The following PDE12 variants were observed in gnomAD, a reference collection of about 807,000 sequenced individuals.
PDE12 encodes phosphodiesterase 12, also known as 2',5'-phosphodiesterase 12.
Under a neutral mutation model 45.4 loss-of-function variants are expected in PDE12, and 26 were observed. The ratio of observed to expected loss-of-function variants is 0.57; its 90% confidence interval spans 0.42 to 0.79. PDE12 has a LOEUF of 0.79. Among genes scored for constraint, PDE12 ranks in the 30% least tolerant of loss-of-function variants. The pLI, the probability that PDE12 is intolerant of heterozygous loss-of-function variation, is 0.00. For missense variants in PDE12, 668 were observed against 790.0 expected, an observed-to-expected ratio of 0.85 and a Z score of 1.85; for synonymous variants, 283 against 323.9, an observed-to-expected ratio of 0.87 and a Z score of 1.36.
At chr3:57,569,566 G>A (rs1330095305), downstream of PDE12, among the ~76,000 whole-genome samples, 1 of 152,050 alleles carries the variant, frequency 6.6e-6, no homozygotes, top group East Asian at 1.9e-4. Flanking sequence ...TTGTTAGTCA[G>A]TCTGGTCTTG....
chr3:57,556,329 G>A lies in PDE12; in HGVS notation c.-51G>A. On this transcript the variant is annotated 5_prime_UTR_variant, in exon 1 of 3. Transcript: ENST00000311180. The surrounding 1 kb of genome is among the most constrained non-coding windows in gnomAD (Gnocchi z 5.0). ...CTCGGCTCCTCAGCTCCACCTGACA[G>A]TAGGCCGCTGATCGGCCGCGGGTCT... The A allele has an allele frequency of 6.7e-7, 1 of 1,499,072 alleles. No homozygotes were observed. Among genetic ancestry groups the A allele is most frequent in the Non-Finnish European group, 8.9e-7 (1 of 1,121,846 alleles). The allele number at this position is 1,499,072 out of a possible 1,614,324, so 92.9% of individuals were successfully genotyped here.
the PDE12 span, among the ~76,000 whole-genome samples, chr3:57,593,521 C>G: frequency 6.6e-6 from 1 of 152,170 alleles, no homozygotes. Flanking sequence ...CAATACAGAA[C>G]TACACTGGCA....
chr3:57,623,354 C>A, the PDE12 span, among the ~76,000 whole-genome samples: 2 of 152,220 alleles, frequency 1.3e-5, no homozygotes, highest in Non-Finnish European at 2.9e-5. Flanking sequence ...TGAATGCAAT[C>A]ATTTCAAGTT....
chr3:57,577,394 A>G, the PDE12 span: 22 of 1,057,382 alleles, frequency 2.1e-5, no homozygotes, highest in Non-Finnish European at 2.8e-5. Context: ...GACCCTGGGG[A>G]AAAATTGTTT....
In PDE12 at chr3:57,557,745, C is replaced by T. The variant is rs375684625; in HGVS notation, c.1308+58C>T. On this transcript the variant is annotated intron_variant, in intron 1 of 2. Transcript: ENST00000311180. ...GTCCCACTTTTAGGGGCCAGGAAGG[C>T]GAGGAATGAGGTGGGGGTTAAAAGT... 48 of 1,482,458 alleles carry T rather than the reference C, an allele frequency of 3.2e-5. 2 individuals are homozygous for T. In the East Asian group the frequency reaches 4.8e-4, roughly 15 times the overall value. The allele number at this position is 1,482,458 out of a possible 1,614,324, so 91.8% of individuals were successfully genotyped here. A position where few individuals can be genotyped will look rare whatever the true frequency, so the allele number is the denominator to read the frequency against.
chr3:57,576,334 A>G, the PDE12 span, among the ~76,000 whole-genome samples: 1 of 152,252 alleles, frequency 6.6e-6, no homozygotes, highest in Non-Finnish European at 1.5e-5. Flanking sequence ...GGTGTACGAG[A>G]GGAAGGAAAT....
At chr3:57,642,495 A>G in the PDE12 span, among the ~76,000 whole-genome samples, 7 of 152,126 alleles carry the variant, frequency 4.6e-5, no homozygotes, top group African/African-American at 1.7e-4. Flanking sequence ...GTGCAAAGCA[A>G]TGAAGTGACA....
At chr3:57,601,893 C>T in the PDE12 span, among the ~76,000 whole-genome samples, 6 of 151,276 alleles carry the variant, frequency 4.0e-5, no homozygotes, top group Admixed American at 6.6e-5. Flanking sequence ...TACAGGTGCA[C>T]ACCACCACAC....
At chr3:57,605,565 A>G in the PDE12 span, among the ~76,000 whole-genome samples, 1 of 152,304 alleles carries the variant, frequency 6.6e-6, no homozygotes, top group Middle Eastern at 3.4e-3. Flanking sequence ...ATTATAAAAA[A>G]CCTGAAAAGA....
At position 57,562,012 on chromosome 3, in the gene PDE12, T is replaced by C. The variant is rs2069733505; in HGVS notation, c.*2008T>C. On this transcript the variant is annotated 3_prime_UTR_variant, in exon 3 of 3. Coordinates refer to ENST00000311180, the MANE Select transcript of PDE12 (RefSeq NM_177966.7). Reference sequence around the variant, plus strand: ...GCATTTTAACAGCAGTTTACAAATATGTAAATAATAGATTAAAACCAAATC... The same window carrying C: ...GCATTTTAACAGCAGTTTACAAATACGTAAATAATAGATTAAAACCAAATC... 3.1e-6 allele frequency: 3 copies of C among 982,552 alleles called. No homozygotes were observed. The highest frequency in any genetic ancestry group is 4.7e-5 in the South Asian group (1 of 21,242). The allele number at this position is 982,552 out of a possible 1,614,324, so 60.9% of individuals were successfully genotyped here.
chr3:57,638,479 G>A, the PDE12 span, among the ~76,000 whole-genome samples: 1 of 151,184 alleles, frequency 6.6e-6, no homozygotes, highest in Non-Finnish European at 1.5e-5. Flanking sequence ...CCAACATGGT[G>A]AATCCCTGTC....
the PDE12 span, among the ~76,000 whole-genome samples, chr3:57,592,826 C>A: frequency 6.6e-6 from 1 of 152,048 alleles, no homozygotes; most frequent in Non-Finnish European, 1.5e-5. Context: ...TGAGAAAATG[C>A]TTGTAATAAG....
chr3:57,620,911 A>G, the PDE12 span, among the ~76,000 whole-genome samples: 3 of 152,214 alleles, frequency 2.0e-5, no homozygotes, highest in African/African-American at 7.2e-5. Context: ...AAATTTATCT[A>G]TAAATTCAAT....
chr3:57,614,690 G>T, the PDE12 span, among the ~76,000 whole-genome samples: 13 of 151,096 alleles, frequency 8.6e-5, 1 homozygote, highest in South Asian at 1.9e-3. Flanking sequence ...ACTTACAGGC[G>T]CCTGCCAACA....
At chr3:57,624,317 A>AT in the PDE12 span, among the ~76,000 whole-genome samples, 22 of 151,904 alleles carry the variant, frequency 1.4e-4, no homozygotes, top group African/African-American at 4.8e-4. Context: ...CGCCTGGCTA[A>AT]TTTTTTGTAT....
chr3:57,643,502 G>T, the PDE12 span, among the ~76,000 whole-genome samples: 1 of 152,026 alleles, frequency 6.6e-6, no homozygotes, highest in Non-Finnish European at 1.5e-5. Flanking sequence ...ATTAACATGG[G>T]GTATTAACAG....
the PDE12 span, chr3:57,583,833 C>T: frequency 1.8e-6 from 2 of 1,106,334 alleles, no homozygotes; most frequent in South Asian, 1.3e-5. Flanking sequence ...ATACTAGATA[C>T]TAATAAAAAC....
At chr3:57,614,612 C>T in the PDE12 span, among the ~76,000 whole-genome samples, 7 of 142,954 alleles carry the variant, frequency 4.9e-5, no homozygotes, top group Non-Finnish European at 7.5e-5. Flanking sequence ...GGCGCGATCT[C>T]GGCTCACTGC....
At chr3:57,572,601 C>T in the PDE12 span, among the ~76,000 whole-genome samples, 10 of 152,262 alleles carry the variant, frequency 6.6e-5, 1 homozygote, top group South Asian at 1.5e-3. Context: ...CCACTTCTAC[C>T]TATTCTGGAG....
Sources: allele counts gnomAD v4.1 joint callset (sites outside exome capture counted in the v4.1 genomes callset), GRCh38; gene constraint gnomAD v4.1.1; non-coding constraint Gnocchi (gnomAD v3.1); transcripts MANE v1.5; gene names NCBI Gene and HGNC (gene_info 2026-07-23, HGNC 2026-07-21).